Variants in LOC400499 observed in about 807,000 individuals in gnomAD.
chr16:11,384,553 C>T, the LOC400499 span, among the ~76,000 whole-genome samples: 5 of 152,154 alleles, frequency 3.3e-5, no homozygotes, highest in South Asian at 2.1e-4. Flanking sequence ...GTGTATCCCC[C>T]GTCCCCTCCC....
chr16:11,507,377 C>T, the LOC400499 span, among the ~76,000 whole-genome samples: 1 of 152,088 alleles, frequency 6.6e-6, no homozygotes, highest in Non-Finnish European at 1.5e-5. Flanking sequence ...ACACACTCCA[C>T]AAAGAATGAC....
At chr16:11,387,136 G>T in the LOC400499 span, 102 of 1,232,186 alleles carry the variant, frequency 8.3e-5, no homozygotes, top group Non-Finnish European at 9.6e-5. Flanking sequence ...CCAGCAGGCG[G>T]CGTCTGAGCC....
chr16:11,495,272 C>T, the LOC400499 span, among the ~76,000 whole-genome samples: 2 of 151,876 alleles, frequency 1.3e-5, no homozygotes, highest in Admixed American at 6.6e-5. Context: ...ACGACTCAGA[C>T]GCCCAGCTAC....
At chr16:11,422,823 G>A in the LOC400499 span, among the ~76,000 whole-genome samples, 1 of 152,182 alleles carries the variant, frequency 6.6e-6, no homozygotes, top group Non-Finnish European at 1.5e-5. Flanking sequence ...CCCCAGCCCT[G>A]AGCGCCACGG....
chr16:11,399,964 G>C, the LOC400499 span: 1 of 397,492 alleles, frequency 2.5e-6, no homozygotes, highest in Non-Finnish European at 4.4e-6. Context: ...TATCCCTAGA[G>C]GAACTAGGAT....
the LOC400499 span, among the ~76,000 whole-genome samples, chr16:11,474,957 T>A: frequency 6.6e-6 from 1 of 152,352 alleles, no homozygotes; most frequent in East Asian, 1.9e-4. Context: ...GAAGCTGCCT[T>A]CTCTTGTTCC....
the LOC400499 span, chr16:11,387,122 C>G: frequency 8.1e-7 from 1 of 1,232,302 alleles, no homozygotes; most frequent in Non-Finnish European, 1.0e-6. Context: ...TTCCCAGGGG[C>G]CCGCCAGCAG....
the LOC400499 span, among the ~76,000 whole-genome samples, chr16:11,378,730 A>G: frequency 2.6e-5 from 4 of 152,250 alleles, no homozygotes; most frequent in Non-Finnish European, 5.9e-5. Context: ...GTTCCCACAT[A>G]TTTGTGGATA....
the LOC400499 span, among the ~76,000 whole-genome samples, chr16:11,403,921 A>G: frequency 6.6e-6 from 1 of 152,116 alleles, no homozygotes; most frequent in Non-Finnish European, 1.5e-5. Flanking sequence ...GCTCCTCTCT[A>G]TGAGCTGAGA....
chr16:11,375,865 G>T, the LOC400499 span, among the ~76,000 whole-genome samples: 1 of 151,928 alleles, frequency 6.6e-6, no homozygotes, highest in Non-Finnish European at 1.5e-5. Flanking sequence ...AAGTAGCTGG[G>T]ATTACACGCA....
the LOC400499 span, chr16:11,448,859 A>G: frequency 7.6e-7 from 1 of 1,314,178 alleles, no homozygotes; most frequent in Non-Finnish European, 1.0e-6. Flanking sequence ...GGAGAGAGGT[A>G]GGAAACCGAG....
the LOC400499 span, chr16:11,460,863 C>G: frequency 7.2e-7 from 1 of 1,392,894 alleles, no homozygotes; most frequent in African/African-American, 1.4e-5. Context: ...TGGAAAACCC[C>G]GTGGTGACAG....
chr16:11,525,017 G>T, the LOC400499 span, among the ~76,000 whole-genome samples: 4 of 152,202 alleles, frequency 2.6e-5, no homozygotes, highest in Non-Finnish European at 5.9e-5. Flanking sequence ...GGGTACGGTG[G>T]CTCATGCCTG....
At chr16:11,433,131 T>A in the LOC400499 span, among the ~76,000 whole-genome samples, 1 of 152,190 alleles carries the variant, frequency 6.6e-6, no homozygotes, top group Non-Finnish European at 1.5e-5. Flanking sequence ...AATGGCAGGG[T>A]TGAGTAGTTG....
At chr16:11,385,876 A>T in the LOC400499 span, among the ~76,000 whole-genome samples, 2 of 152,332 alleles carry the variant, frequency 1.3e-5, no homozygotes, top group Non-Finnish European at 2.9e-5. Context: ...TCGTACACTT[A>T]AAATTCACAC....
the LOC400499 span, among the ~76,000 whole-genome samples, chr16:11,476,393 C>T: frequency 6.6e-6 from 1 of 152,032 alleles, no homozygotes; most frequent in Admixed American, 6.5e-5. Flanking sequence ...CCAGCTCTCA[C>T]CTCTCAGCTG....
At chr16:11,460,056 TGG>T in the LOC400499 span, 1 of 1,419,698 alleles carries the variant, frequency 7.0e-7, no homozygotes, top group Non-Finnish European at 9.2e-7. Flanking sequence ...GAGCTGGACC[TGG>T]GACACACATG....
the LOC400499 span, among the ~76,000 whole-genome samples, chr16:11,518,220 C>A: frequency 6.6e-6 from 1 of 152,364 alleles, no homozygotes; most frequent in South Asian, 2.1e-4. Context: ...CATCCCCCAT[C>A]CTGGTATCCC....
At chr16:11,472,122 T>A in the LOC400499 span, 1 of 288,380 alleles carries the variant, frequency 3.5e-6, no homozygotes, top group Non-Finnish European at 6.4e-6. Flanking sequence ...AACCAAATAT[T>A]TCTGCACATA....
Sources: allele counts gnomAD v4.1 joint callset (sites outside exome capture counted in the v4.1 genomes callset), GRCh38; gene constraint gnomAD v4.1.1; transcripts MANE v1.5.